USH2A: variants seen among roughly 807,000 people sequenced by gnomAD.
USH2A encodes usherin.
Under a neutral mutation model 538.9 loss-of-function variants are expected in USH2A, and 443 were observed. The ratio of observed to expected loss-of-function variants is 0.82; its 90% CI spans 0.76 to 0.89. The LOEUF is 0.89. Among genes scored for constraint, USH2A ranks in the 40% least tolerant of loss-of-function variants. USH2A has a pLI of 0.00. For missense variants in USH2A, 6,633 were observed against 6,324.8 expected (o/e 1.05, Z -1.65); for synonymous variants, 2,413 against 2,273.5 (o/e 1.06, Z -1.75).
At chr1:215,786,420 A>G (rs1180820028) in intron 52 of USH2A, among the ~76,000 whole-genome samples, 1 of 152,238 alleles carries the variant, frequency 6.6e-6, no homozygotes, top group Non-Finnish European at 1.5e-5. Flanking sequence ...GGTCACAGAT[A>G]TCTCCACAGA....
At chr1:216,367,782 G>C (rs2102712460) in intron 3 of USH2A, among the ~76,000 whole-genome samples, 1 of 152,138 alleles carries the variant, frequency 6.6e-6, no homozygotes, top group African/African-American at 2.4e-5. Context: ...TCTGATCTGG[G>C]GCCCCATCAC....
chr1:216,345,890 G>A (rs936523179), intron 4 of USH2A, among the ~76,000 whole-genome samples: 1 of 151,998 alleles, frequency 6.6e-6, no homozygotes, highest in African/African-American at 2.4e-5. Flanking sequence ...AAATTATCTT[G>A]AGCATTTAAA....
At chr1:216,329,156 T>C (rs759899773) in intron 4 of USH2A, among the ~76,000 whole-genome samples, 1 of 152,172 alleles carries the variant, frequency 6.6e-6, no homozygotes, top group African/African-American at 2.4e-5. Flanking sequence ...AGTGGTGTTA[T>C]GAAGACAAAA....
intron 39 of USH2A, 26 bp downstream of exon 39, chr1:215,900,729 T>G (rs757603003): frequency 6.2e-7 from 1 of 1,613,262 alleles, no homozygotes; most frequent in Admixed American, 1.7e-5. Context: ...ACCCAGCTGA[T>G]AGAATGGACA....
chr1:216,330,609 G>A (rs970038004), intron 4 of USH2A, among the ~76,000 whole-genome samples: 2 of 151,982 alleles, frequency 1.3e-5, no homozygotes, highest in South Asian at 4.1e-4. Context: ...CAAGTAGCTG[G>A]CTGGGGGAGA....
intron 11 of USH2A, among the ~76,000 whole-genome samples, chr1:216,273,440 A>T (rs1571646568): frequency 6.6e-6 from 1 of 152,214 alleles, no homozygotes; most frequent in South Asian, 2.1e-4. Context: ...ATATACTTAA[A>T]GATAAAAATT....
At chr1:216,089,377 G>T (rs1020168890) in intron 22 of USH2A, among the ~76,000 whole-genome samples, 9 of 151,992 alleles carry the variant, frequency 5.9e-5, no homozygotes, top group Admixed American at 5.9e-4. Context: ...TCTCACCTTT[G>T]CAGTAAGAAT....
chr1:216,278,269 A>T (rs2036707986), intron 11 of USH2A, among the ~76,000 whole-genome samples: 1 of 152,200 alleles, frequency 6.6e-6, no homozygotes. Flanking sequence ...GTGGAACTCA[A>T]CATAAACTGG....
At chr1:216,124,990 A>G (rs2033219261) in intron 21 of USH2A, among the ~76,000 whole-genome samples, 2 of 152,204 alleles carry the variant, frequency 1.3e-5, no homozygotes. Flanking sequence ...TGTAATAAAA[A>G]TGACATCAAA....
At chr1:216,299,620 T>C (rs2037175543) in intron 9 of USH2A, among the ~76,000 whole-genome samples, 1 of 152,138 alleles carries the variant, frequency 6.6e-6, no homozygotes, top group African/African-American at 2.4e-5. Context: ...TGTAACTGCA[T>C]GGATAGTTAC....
At chr1:216,215,330 T>C (rs2035322491) in intron 15 of USH2A, among the ~76,000 whole-genome samples, 1 of 152,112 alleles carries the variant, frequency 6.6e-6, no homozygotes, top group African/African-American at 2.4e-5. Context: ...CAAATACTAG[T>C]CAGAGGTAGT....
At position 216,083,483 on chromosome 1, in the gene USH2A, A is replaced by G. The variant is rs750567606; in HGVS notation, c.5271T>C (p.Tyr1757=). ...DQLNGLLLFV[Y]NKDGPDFLAM... is the part of the protein sequence containing the mutation. ...CAAGAAAATCAGGTCCATCTTTGTT[A>G]TAAACGAAAAGAAGCAATCCATTTA... The change falls in exon 26 of 72, where the codon TAT becomes TAC. Residue 1757 remains tyrosine (Y), a synonymous_variant. Coordinates refer to ENST00000307340, the MANE Select transcript of USH2A (RefSeq NM_206933.4). 5 of 1,612,310 alleles carry G rather than the reference A, an allele frequency of 3.1e-6. No homozygotes were observed. The Admixed American group carries it at 5.0e-5, about 16-fold the overall frequency.
At chr1:215,879,475 A>G (rs1423109054) in intron 41 of USH2A, among the ~76,000 whole-genome samples, 1 of 152,152 alleles carries the variant, frequency 6.6e-6, no homozygotes, top group Non-Finnish European at 1.5e-5. Flanking sequence ...CATGTTTATA[A>G]CTCAACTAAA....
intron 21 of USH2A, among the ~76,000 whole-genome samples, chr1:216,124,265 G>A (rs946240787): frequency 3.3e-5 from 5 of 151,972 alleles, no homozygotes; most frequent in South Asian, 2.1e-4. Flanking sequence ...AAAACACTGC[G>A]AATTCAGACA....
chr1:215,824,478 G>T (rs953916217), intron 47 of USH2A, among the ~76,000 whole-genome samples: 40 of 152,162 alleles, frequency 2.6e-4, no homozygotes, highest in African/African-American at 9.6e-4. Context: ...AATAGGGGAG[G>T]TTCCAAAGGG....
chr1:216,172,807 G>T (rs1199313032), intron 21 of USH2A, among the ~76,000 whole-genome samples: 1 of 152,116 alleles, frequency 6.6e-6, no homozygotes, highest in Non-Finnish European at 1.5e-5. Context: ...AGCAGTGTCA[G>T]ATAAGGAATA....
At position 216,242,994 on chromosome 1, in the gene USH2A, TAAGAG is replaced by T. The variant is rs529295764; in HGVS notation, c.2809+3586_2809+3590del. On this transcript the variant is annotated intron_variant, in intron 13 of 71. Transcript: ENST00000307340. ...TACCCAGAAGAAAATGATTTCTCAG[TAAGAG>T]AAATGTTTATCTATATGAAAATAAC... 3.6e-3 allele frequency among the ~76,000 whole-genome samples: 554 copies of T among 152,306 alleles called. 3 individuals are homozygous for T. Among genetic ancestry groups the T allele is most frequent in the African/African-American group, 0.013 (525 of 41,576 alleles).
At chr1:215,628,789 G>T (rs766187967) in intron 71 of USH2A, 25 bp downstream of exon 71, 2 of 1,610,364 alleles carry the variant, frequency 1.2e-6, no homozygotes, top group Non-Finnish European at 1.7e-6. Flanking sequence ...TTTAGCAAAG[G>T]CCCTGTATGA....
chr1:216,112,721 G>A (rs1001200602), intron 21 of USH2A, among the ~76,000 whole-genome samples: 3 of 151,874 alleles, frequency 2.0e-5, no homozygotes, highest in Admixed American at 6.6e-5. Flanking sequence ...TTAGATTTCT[G>A]TTCCTGCATT....
Sources: gnomAD v4.1 joint callset for allele counts (sites outside exome capture counted in the v4.1 genomes callset) on GRCh38, gnomAD v4.1.1 for gene constraint, MANE v1.5 for transcripts, NCBI Gene and HGNC (gene_info 2026-07-23, HGNC 2026-07-21) for gene names.